Variants in CCT2 observed in about 807,000 individuals in gnomAD.
CCT2 encodes chaperonin containing TCP1 subunit 2, also known as T-complex protein 1 subunit beta.
Under a neutral mutation model 61.8 loss-of-function variants are expected in CCT2, and 18 were observed. The ratio of observed to expected loss-of-function variants is 0.29; its 90% CI spans 0.20 to 0.43. The LOEUF (loss-of-function observed/expected upper bound fraction) is 0.43, where lower values mean the gene tolerates loss of function less well. Among genes scored for constraint, CCT2 ranks in the 20% least tolerant of loss-of-function variants. CCT2 has a pLI of 1.00. For synonymous variants in CCT2, 248 were observed against 215.9 expected (o/e 1.15, Z -1.30); for missense variants, 556 against 656.9 (o/e 0.85, Z 1.68).
At position 69,597,885 on chromosome 12, in the gene CCT2, G is replaced by A. The variant is rs1025760902; in HGVS notation, c.1232-83G>A. On this transcript the variant is annotated intron_variant, in intron 12 of 15. Coordinates refer to ENST00000299300, the MANE Select transcript of CCT2 (RefSeq NM_006431.3). ...TTGCTTTTGCACTAAATTTTAAAAT[G>A]CTTGGCATATCTTAAAGTCAGTAAT... 7.1e-6 allele frequency: 10 copies of A among 1,418,368 alleles called. No homozygotes were observed. In the African/African-American group the frequency reaches 1.3e-4, roughly 18 times the overall value. The allele number at this position is 1,418,368 out of a possible 1,614,324, so 87.9% of individuals were successfully genotyped here.
chr12:69,585,693 T>C, intron 1 of CCT2, 169 bp downstream of exon 1: 1 of 1,503,978 alleles, frequency 6.6e-7, no homozygotes, highest in Non-Finnish European at 8.9e-7. Context: ...GGCCAGCCGG[T>C]GGAGCTCACC....
At chr12:69,600,849 A>G (rs1165911819) in intron 15 of CCT2, among the ~76,000 whole-genome samples, 6 of 152,218 alleles carry the variant, frequency 3.9e-5, no homozygotes, top group Non-Finnish European at 8.8e-5. Context: ...CCCTTATCCC[A>G]TCTTTCCAAA....
chr12:69,587,167 G>C, intron 3 of CCT2: 1 of 323,992 alleles, frequency 3.1e-6, no homozygotes. Context: ...ATTCCTTTCA[G>C]TGTAAGTAGA....
At chr12:69,598,745 ATTAAC>A (rs1401861504) in intron 14 of CCT2, among the ~76,000 whole-genome samples, 1 of 152,266 alleles carries the variant, frequency 6.6e-6, no homozygotes, top group Non-Finnish European at 1.5e-5. Flanking sequence ...TACAATCAGT[ATTAAC>A]TTCTAATTTC....
chr12:69,593,197 ACT>A, intron 9 of CCT2, 94 bp downstream of exon 9: 1 of 1,104,912 alleles, frequency 9.1e-7, no homozygotes, highest in Non-Finnish European at 1.3e-6. Flanking sequence ...TTACCTAGGA[ACT>A]GTCTTAGATA....
chr12:69,594,895 G>T (rs1331423098), intron 10 of CCT2, among the ~76,000 whole-genome samples: 14 of 151,236 alleles, frequency 9.3e-5, no homozygotes, highest in Admixed American at 9.2e-4. Flanking sequence ...TGTGGTAATG[G>T]TTTAAAAATT....
At chr12:69,589,145 C>CGCCGTATCATTAAAAAATA in intron 6 of CCT2, 1 of 313,890 alleles carries the variant, frequency 3.2e-6, no homozygotes, top group Non-Finnish European at 6.0e-6. Flanking sequence ...TCAGGCTGGT[C>CGCCGTATCATTAAAAAATA]TTGAACTGAC....
At chr12:69,585,904 T>TA in intron 1 of CCT2, 1 of 1,267,198 alleles carries the variant, frequency 7.9e-7, no homozygotes, top group Non-Finnish European at 1.0e-6. Flanking sequence ...CTTCCGAGGG[T>TA]GGAAGATGGA....
At chr12:69,600,584 C>T (rs1882120067) in intron 15 of CCT2, among the ~76,000 whole-genome samples, 1 of 81,814 alleles carries the variant, frequency 1.2e-5, no homozygotes. Context: ...TATTAATCTC[C>T]AGAAGACTTT....
At position 69,597,094 on chromosome 12, in the gene CCT2, T is replaced by TA; in HGVS notation, c.983-61dup. 3 of 1,536,332 alleles carry TA rather than the reference T, an allele frequency of 2.0e-6. No individual in the cohort carries two copies. The South Asian group carries it at 3.4e-5, about 18-fold the overall frequency. On this transcript the variant is annotated intron_variant, in intron 10 of 15. Transcript: ENST00000299300. Reference sequence around the variant, plus strand: ...CTATCATTATCTATCCATTACTGCTTATTAGAAAACAGGAATTTTAAGCCT... The same window carrying TA: ...CTATCATTATCTATCCATTACTGCTTAATTAGAAAACAGGAATTTTAAGCCT...
chr12:69,600,124 A>G (rs1352358746), intron 15 of CCT2, 120 bp downstream of exon 15: 1 of 949,224 alleles, frequency 1.1e-6, no homozygotes, highest in Non-Finnish European at 1.5e-6. Flanking sequence ...AAAAGTATGT[A>G]AGTTATTTAA....
chr12:69,598,257 G>C (rs1882048251), intron 13 of CCT2, 65 bp from the exon 14 acceptor site: 4 of 1,224,232 alleles, frequency 3.3e-6, no homozygotes, highest in Non-Finnish European at 4.7e-6. Context: ...AGCTATCCTA[G>C]TTAGGAGTAA....
At chr12:69,587,357 G>A (rs1261522671) in intron 3 of CCT2, 148 bp from the exon 4 acceptor site, 5 of 556,506 alleles carry the variant, frequency 9.0e-6, no homozygotes, top group Non-Finnish European at 1.3e-5. Context: ...GTTACGTGGT[G>A]TATGTATTGA....
intron 10 of CCT2, among the ~76,000 whole-genome samples, chr12:69,595,013 T>A (rs1251385099): frequency 6.6e-6 from 1 of 152,212 alleles, no homozygotes; most frequent in African/African-American, 2.4e-5. Context: ...TTTCTAGATT[T>A]TAGGTCCTTG....
In CCT2 at chr12:69,597,691, G is replaced by A. The variant is rs1882030904; in HGVS notation, c.1156G>A (p.Ala386Thr). 6.2e-7 allele frequency: 1 copy of A among 1,613,546 alleles called. No individual in the cohort carries two copies. Among genetic ancestry groups the A allele is most frequent in the Non-Finnish European group, 8.5e-7 (1 of 1,179,606 alleles). Reference sequence around the variant, plus strand: ...TGCCACTCAACAAATTTTAGATGAAGCAGAAAGATCATTGCATGATGCTCT... The same window carrying A: ...TGCCACTCAACAAATTTTAGATGAAACAGAAAGATCATTGCATGATGCTCT... ...RGATQQILDE[A>T]ERSLHDALCV... Residue 386 changes from alanine to threonine, a missense_variant, in exon 12 of 16, where the codon GCA (alanine) becomes ACA (threonine). Ala to Thr is a moderately conservative substitution (Grantham distance 58). This residue lies in a region of CCT2 where 225 missense variants were observed against 249.8 expected (regional missense o/e 0.90). Transcript: ENST00000299300.
chr12:69,590,016 C>G (rs1166128033), intron 7 of CCT2, among the ~76,000 whole-genome samples: 1 of 152,194 alleles, frequency 6.6e-6, no homozygotes, highest in African/African-American at 2.4e-5. Context: ...CAGGAAGGGT[C>G]TGGGTCAGTC....
At chr12:69,601,038 C>G (rs1286211366) in intron 15 of CCT2, among the ~76,000 whole-genome samples, 1 of 152,134 alleles carries the variant, frequency 6.6e-6, no homozygotes, top group Non-Finnish European at 1.5e-5. Flanking sequence ...TCCTCCTCAC[C>G]TAAAGCCAGC....
In CCT2 at chr12:69,597,266, G is replaced by A; in HGVS notation, c.1093G>A (p.Val365Ile). The A allele has an allele frequency of 6.2e-7, 1 of 1,613,876 alleles. No homozygotes were observed. The highest frequency in any genetic ancestry group is 1.3e-5 in the African/African-American group (1 of 75,044). ...GEDKLIHFSG[V>I]ALGEACTIVL... ...AGACAAACTCATTCACTTTTCTGGG[G>A]TTGCCCTTGGTGAGTGATTATGTAG... The change falls in exon 11 of 16, where the codon GTT becomes ATT. Residue 365 changes from valine (V) to isoleucine (I), a missense_variant. Coordinates refer to ENST00000299300, the MANE Select transcript of CCT2 (RefSeq NM_006431.3).
At chr12:69,589,360 T>C in intron 6 of CCT2, 125 bp from the exon 7 acceptor site, 2 of 676,628 alleles carry the variant, frequency 3.0e-6, no homozygotes. Context: ...TGCTGAGGTT[T>C]AATTCTTTTC....
Sources: gnomAD v4.1 joint callset for allele counts (sites outside exome capture counted in the v4.1 genomes callset) on GRCh38, gnomAD v4.1.1 for gene constraint, gnomAD v4.1.1 regional missense constraint, MANE v1.5 for transcripts, NCBI Gene and HGNC (gene_info 2026-07-23, HGNC 2026-07-21) for gene names.